Variants in ABCA7 observed in about 807,000 individuals in gnomAD.
The protein encoded by ABCA7 is ATP binding cassette subfamily A member 7.
Under a neutral mutation model 227.6 loss-of-function variants are expected in ABCA7, and 261 were observed. That is an observed-to-expected ratio of 1.15 (90% CI 1.04 to 1.27). The LOEUF is 1.27. Ranked by LOEUF, ABCA7 falls within the 50% of genes most tolerant of loss-of-function variation. ABCA7 has a pLI of 0.00. For synonymous variants in ABCA7, 1,488 were observed against 1,279.7 expected, an observed-to-expected ratio of 1.16 and a Z score of -3.47; for missense variants, 3,331 against 2,924.5, an observed-to-expected ratio of 1.14 and a Z score of -3.21.
intron 6 of ABCA7, 95 bp from the exon 7 acceptor site, chr19:1,042,651 G>C (rs559425108): frequency 7.8e-7 from 1 of 1,286,170 alleles, no homozygotes; most frequent in Non-Finnish European, 1.1e-6. Context: ...TAAAGTGGGG[G>C]CTATGATAGT....
Position 1,051,933 on chromosome 19 carries a change from C to A in ABCA7, c.2963-9C>A. 6.2e-7 allele frequency: 1 copy of A among 1,609,816 alleles called. No homozygotes were observed. The highest frequency in any genetic ancestry group is 8.5e-7 in the Non-Finnish European group (1 of 1,179,034). On this transcript the variant is annotated splice_polypyrimidine_tract_variant and intron_variant, in intron 21 of 46. Coordinates refer to ENST00000263094, the MANE Select transcript of ABCA7 (RefSeq NM_019112.4). ...TGATGGTAGTTGTGGGTTGGTCCCC[C>A]GTGCCTAGGTCGCACGCTGATCCTC...
At position 1,055,251 on chromosome 19, in the gene ABCA7, C is replaced by T; in HGVS notation, c.4105C>T (p.Pro1369Ser). ...GGCTGCAGCTGGTGGTCCCCCTCCG[C>T]CCCAGGCAGTGACCGGCTCTGGGGA... ...CPAAAGGPPP[P>S]QAVTGSGEVV... Residue 1369 changes from proline (P) to serine (S), a missense_variant, in exon 30 of 47, where the codon CCC becomes TCC. Coordinates refer to ENST00000263094, the MANE Select transcript of ABCA7 (RefSeq NM_019112.4). 1 of 1,603,800 alleles carries T rather than the reference C, an allele frequency of 6.2e-7. No individual in the cohort carries two copies. The highest frequency in any genetic ancestry group is 8.5e-7 in the Non-Finnish European group (1 of 1,175,814).
Position 1,061,778 on chromosome 19 carries a change from G to A in ABCA7, c.5464-4G>A, listed in dbSNP as rs1271131429. Reference sequence around the variant, plus strand: ...CTGAGCACCATCTGTGGGCATCCCTGTAGTGTTTTGGGCTGCTGGGTGTGA... The same window carrying A: ...CTGAGCACCATCTGTGGGCATCCCTATAGTGTTTTGGGCTGCTGGGTGTGA... On this transcript the variant is annotated splice_polypyrimidine_tract_variant and splice_region_variant and intron_variant, in intron 40 of 46. Coordinates refer to ENST00000263094, the MANE Select transcript of ABCA7 (RefSeq NM_019112.4). 2 of 1,612,848 alleles carry A rather than the reference G, an allele frequency of 1.2e-6. No homozygotes were observed. Among genetic ancestry groups the A allele is most frequent in the African/African-American group, 2.7e-5 (2 of 74,788 alleles).
At position 1,064,593 on chromosome 19, in the gene ABCA7, CG is replaced by C. The variant is rs1183665722; in HGVS notation, c.6045-333del. Reference sequence around the variant, plus strand: ...TGGGCGGGGCCATAGGAAAGTGGGGCGGGGGTATTTATTGTGTGGGCGGGGG... The same window carrying C: ...TGGGCGGGGCCATAGGAAAGTGGGGCGGGGTATTTATTGTGTGGGCGGGGG... On this transcript the variant is annotated intron_variant, in intron 45 of 46. Transcript: ENST00000263094. 2.3e-5 allele frequency: 7 copies of C among 303,746 alleles called. 1 individual carries two copies. In the Middle Eastern group the frequency reaches 4.2e-3, roughly 181 times the overall value. The allele number at this position is 303,746 out of a possible 1,614,324, so 18.8% of individuals were successfully genotyped here. A position where few individuals can be genotyped will look rare whatever the true frequency, so the allele number is the denominator to read the frequency against.
chr19:1,048,175 G>T (rs1183320210), intron 16 of ABCA7, among the ~76,000 whole-genome samples: 1 of 136,142 alleles, frequency 7.3e-6, no homozygotes, highest in African/African-American at 2.7e-5. Flanking sequence ...GCAACAGAGT[G>T]AGACCTCCAT....
Position 1,056,654 on chromosome 19 carries a change from A to C in ABCA7, c.4586+155A>C, listed in dbSNP as rs1412951976. Among the ~76,000 whole-genome samples, 4 of 152,124 alleles carry C rather than the reference A, an allele frequency of 2.6e-5. No homozygotes were observed. Among genetic ancestry groups the C allele is most frequent in the Admixed American group, 2.6e-4 (4 of 15,264 alleles). On this transcript the variant is annotated intron_variant, in intron 33 of 46. Transcript: ENST00000263094. The surrounding 1 kb of genome is among the most constrained non-coding windows in gnomAD (Gnocchi z 4.3). The stretch of plus-strand genomic sequence containing the variant: ...TGTTCCTCTGCTCCCTAAGCCAGGG[A>C]AATGGGACCTCCTCAGACTCAGCGG...
At chr19:1,045,380 T>C in intron 12 of ABCA7, 149 bp downstream of exon 12, 1 of 817,872 alleles carries the variant, frequency 1.2e-6, no homozygotes, top group Non-Finnish European at 1.9e-6. Context: ...AGCCCGGGGC[T>C]CCTTAGACCA....
chr19:1,046,401 C>G lies in ABCA7; in HGVS notation c.1617C>G (p.Asp539Glu), dbSNP rs201932817. ...AGATGCCCTATCCGTGCTATGTGGA[C>G]GACGTGTGAGCTCTGGCACCCCTCC... Reference protein sequence around the residue: ...LQQMPYPCYVDDVFLRVLSRS... With the variant: ...LQQMPYPCYVEDVFLRVLSRS... The change falls in exon 13 of 47, where the codon GAC becomes GAG. Residue 539 changes from aspartate to glutamate, a missense_variant. Physicochemically the swap from Asp to Glu is conservative, Grantham distance 45. Coordinates refer to ENST00000263094, the MANE Select transcript of ABCA7 (RefSeq NM_019112.4). 7.9e-5 allele frequency: 123 copies of G among 1,551,520 alleles called. 1 individual carries two copies. The East Asian group carries it at 1.8e-3, about 23-fold the overall frequency.
intron 17 of ABCA7, 44 bp downstream of exon 17, chr19:1,049,049 C>A: frequency 9.0e-7 from 1 of 1,108,544 alleles, no homozygotes; most frequent in Non-Finnish European, 1.3e-6. Flanking sequence ...CACATATGCC[C>A]AGTTCCCCCC....
rs574911240 is a variant in ABCA7, at chr19:1,062,493, C to G, written c.5712+180C>G. Among the ~76,000 whole-genome samples, 5 of 152,186 alleles carry G rather than the reference C, an allele frequency of 3.3e-5. No homozygotes were observed. In the South Asian group the frequency reaches 1.0e-3, roughly 32 times the overall value. ...CCATCCTGGTCCAATAGGGATGTGGCTAGCCCGCCTCTTTGCCCCGCAACA... is the reference window on the plus strand; with the variant it reads ...CCATCCTGGTCCAATAGGGATGTGGGTAGCCCGCCTCTTTGCCCCGCAACA... On this transcript the variant is annotated intron_variant, in intron 42 of 46. Coordinates refer to ENST00000263094, the MANE Select transcript of ABCA7 (RefSeq NM_019112.4).
Position 1,043,796 on chromosome 19 carries a change from G to A in ABCA7, c.1002G>A (p.Arg334=), listed in dbSNP as rs2040303084. The A allele has an allele frequency of 6.2e-7, 1 of 1,613,174 alleles. No homozygotes were observed. Among genetic ancestry groups the A allele is most frequent in the Non-Finnish European group, 8.5e-7 (1 of 1,179,930 alleles). ...VREVWEMLGP[R]IFTFMNDSSN... is the part of the protein sequence containing the mutation. ...AGGTGTGGGAGATGCTGGGACCCCGGATCTTCACCTTCATGAACGACAGTT... is the reference window on the plus strand; with the variant it reads ...AGGTGTGGGAGATGCTGGGACCCCGAATCTTCACCTTCATGAACGACAGTT... Residue 334 remains arginine (R), a synonymous_variant, in exon 10 of 47, where the codon CGG becomes CGA. Transcript: ENST00000263094.
rs181343277 is a variant in ABCA7 at position 1,054,572 on chromosome 19, C to T, written c.3729C>T (p.Ile1243=). 9.9e-6 allele frequency: 16 copies of T among 1,609,038 alleles called. No individual in the cohort carries two copies. Among genetic ancestry groups the T allele is most frequent in the Admixed American group, 5.0e-5 (3 of 59,986 alleles). Residue 1243 remains isoleucine (I), a splice_region_variant and synonymous_variant, in exon 28 of 47, where the codon ATC becomes ATT. Coordinates refer to ENST00000263094, the MANE Select transcript of ABCA7 (RefSeq NM_019112.4). This position sits in a 1 kb window ranked among gnomAD's most constrained non-coding sequence, Gnocchi z 4.8. ...CAGCTGATGGGCTGGTCCCCCAGAT[C>T]GTGCTGCCTGCCCTCTTTGTGGGCC... The part of the protein sequence containing the change: ...RRSRRGLFAQ[I]VLPALFVGLA...
At position 1,053,536 on chromosome 19, in the gene ABCA7, G is replaced by A. The variant is rs1408757998; in HGVS notation, c.3423+5G>A. On this transcript the variant is annotated splice_donor_5th_base_variant and intron_variant, in intron 24 of 46. Coordinates refer to ENST00000263094, the MANE Select transcript of ABCA7 (RefSeq NM_019112.4). ...TCCGACACCAGCCTCGAGGAGGTGT[G>A]AGGCCTGGGTGGTGGTGAGGTGGGG... 2 of 1,558,020 alleles carry A rather than the reference G, an allele frequency of 1.3e-6. No homozygotes were observed. Among genetic ancestry groups the A allele is most frequent in the Non-Finnish European group, 1.7e-6 (2 of 1,156,810 alleles).
At chr19:1,064,542 G>A in intron 45 of ABCA7, 1 of 502,020 alleles carries the variant, frequency 2.0e-6, no homozygotes, top group South Asian at 3.0e-5. Context: ...GGATTGATGG[G>A]TGGAGTTAGG....
chr19:1,053,766 G>A (rs973072656), intron 24 of ABCA7, 22 bp from the exon 25 acceptor site: 29 of 1,607,026 alleles, frequency 1.8e-5, no homozygotes, highest in Non-Finnish European at 2.4e-5. Flanking sequence ...TCCAGTCTCT[G>A]AGCCCCTGCT....
chr19:1,041,424 G>T lies in ABCA7; in HGVS notation c.63G>T (p.Gln21His). The T allele has an allele frequency of 1.2e-6, 2 of 1,614,028 alleles. No individual in the cohort carries two copies. The highest frequency in any genetic ancestry group is 1.7e-6 in the Non-Finnish European group (2 of 1,180,044). Reference protein sequence around the residue: ...LWKNFMYRRRQPVQLLVELLW... With the variant: ...LWKNFMYRRRHPVQLLVELLW... ...AGAATTTCATGTATCGCCGGAGACA[G>T]CCGGTAACGCCCCAGTGTGAGACCA... Residue 21 changes from glutamine (Q) to histidine (H), a missense_variant, in exon 2 of 47, where the codon CAG (glutamine) becomes CAT (histidine). Transcript: ENST00000263094.
chr19:1,042,703 G>A (rs2144681532), intron 6 of ABCA7, 43 bp from the exon 7 acceptor site: 1 of 1,587,708 alleles, frequency 6.3e-7, no homozygotes, highest in Non-Finnish European at 8.6e-7. Flanking sequence ...GACCCCTAGT[G>A]AGTGTTCAAA....
At position 1,042,782 on chromosome 19, in the gene ABCA7, C is replaced by G. The variant is rs769250340; in HGVS notation, c.535C>G (p.Pro179Ala). 6.8e-6 allele frequency: 11 copies of G among 1,613,046 alleles called. No individual in the cohort carries two copies. Among genetic ancestry groups the G allele is most frequent in the Non-Finnish European group, 9.3e-6 (11 of 1,179,872 alleles). Reference sequence around the variant, plus strand: ...GTTGGCACTGGGCCAAGCCCAGGAGCCCTTGCACAGCTTGTTGGAGGCCGC... The same window carrying G: ...GTTGGCACTGGGCCAAGCCCAGGAGGCCTTGCACAGCTTGTTGGAGGCCGC... ...LGLALGQAQE[P>A]LHSLLEAAED... Residue 179 changes from proline to alanine, a missense_variant, in exon 7 of 47, where the codon CCC becomes GCC. Pro to Ala is a conservative substitution (Grantham distance 27). Coordinates refer to ENST00000263094, the MANE Select transcript of ABCA7 (RefSeq NM_019112.4).
chr19:1,060,876 C>A lies in ABCA7; in HGVS notation c.5464-906C>A, dbSNP rs986411041. ...TGCTGGCCAACCTCTCTACCTTGGG[C>A]TGACTGTGCACCTAGCCTAAGTACA... On this transcript the variant is annotated intron_variant, in intron 40 of 46. Transcript: ENST00000263094. Among the ~76,000 whole-genome samples, 5 of 152,220 alleles carry A rather than the reference C, an allele frequency of 3.3e-5. No individual in the cohort carries two copies. The East Asian group carries it at 9.6e-4, about 29-fold the overall frequency.
Sources: gnomAD v4.1 joint callset for allele counts (sites outside exome capture counted in the v4.1 genomes callset) on GRCh38, gnomAD v4.1.1 for gene constraint, Gnocchi (gnomAD v3.1) non-coding constraint, MANE v1.5 for transcripts, NCBI Gene and HGNC (gene_info 2026-07-23, HGNC 2026-07-21) for gene names.